Variants in RAD52 observed in about 807,000 individuals in gnomAD.
RAD52 encodes DNA repair protein RAD52 homolog.
RAD52 carries 47 observed loss-of-function variants against 55.5 expected under a neutral mutation model. The ratio of observed to expected loss-of-function variants is 0.85; its 90% CI spans 0.67 to 1.08. RAD52 has a LOEUF of 1.08. Among genes scored for constraint, RAD52 ranks in the 50% least tolerant of loss-of-function variants. The pLI, the probability that RAD52 is intolerant of heterozygous loss-of-function variation, is 0.00. For missense variants in RAD52, 468 were observed against 522.8 expected, an observed-to-expected ratio of 0.90 and a Z score of 1.02; for synonymous variants, 184 against 198.9, an observed-to-expected ratio of 0.92 and a Z score of 0.63.
At chr12:950,966 G>C (rs1219508551), upstream of RAD52, among the ~76,000 whole-genome samples, 1 of 151,880 alleles carries the variant, frequency 6.6e-6, no homozygotes, top group Non-Finnish European at 1.5e-5. Flanking sequence ...TGGTCAGGCT[G>C]GTCTCGAACT....
At chr12:946,517 G>A (rs935659512) in intron 1 of RAD52, among the ~76,000 whole-genome samples, 1 of 152,142 alleles carries the variant, frequency 6.6e-6, no homozygotes, top group Non-Finnish European at 1.5e-5. Flanking sequence ...GCAGTAACAT[G>A]AACTCACAGC....
intron 1 of RAD52, among the ~76,000 whole-genome samples, chr12:944,436 G>A (rs752067761): frequency 7.3e-5 from 11 of 151,702 alleles, no homozygotes; most frequent in Non-Finnish European, 1.6e-4. Flanking sequence ...TCACTTGAGC[G>A]GGGGCGAGGA....
At position 913,938 on chromosome 12, in the gene RAD52, C is replaced by G. The variant is rs1363451510; in HGVS notation, c.1151G>C (p.Gly384Ala). 1.9e-6 allele frequency: 3 copies of G among 1,614,190 alleles called. No homozygotes were observed. Among genetic ancestry groups the G allele is most frequent in the Admixed American group, 1.7e-5 (1 of 60,014 alleles). The change falls in exon 11 of 12, where the codon GGA becomes GCA. Residue 384 changes from glycine to alanine, a missense_variant. By Grantham distance (60) the Gly-to-Ala change is moderately conservative. Coordinates refer to ENST00000358495, the MANE Select transcript of RAD52 (RefSeq NM_134424.4). ...GCTATAAGTTTGGAGGTCCCAAGAT[C>G]CAGATTTTGCTTGTGGTTTCTGGTG... Reference protein sequence around the residue: ...VCHQKPQAKSGSWDLQTYSAD... With the variant: ...VCHQKPQAKSASWDLQTYSAD...
intron 1 of RAD52, among the ~76,000 whole-genome samples, chr12:983,838 T>C (rs1959051981): frequency 6.6e-6 from 1 of 152,234 alleles, no homozygotes; most frequent in African/African-American, 2.4e-5. Context: ...ATGACTTATT[T>C]AACCTTCATT....
chr12:952,370 G>A (rs1035632462), upstream of RAD52, among the ~76,000 whole-genome samples: 3 of 152,246 alleles, frequency 2.0e-5, no homozygotes, highest in African/African-American at 4.8e-5. Context: ...GAGTAGCTGG[G>A]ACTACAGGTG....
chr12:978,338 C>T (rs1958962044), intron 1 of RAD52, among the ~76,000 whole-genome samples: 1 of 152,128 alleles, frequency 6.6e-6, no homozygotes, highest in Admixed American at 6.5e-5. Flanking sequence ...CAGGCGTGAG[C>T]CACCACGCCC....
At chr12:955,417 C>A (rs544824681) in intron 1 of RAD52, among the ~76,000 whole-genome samples, 1 of 152,082 alleles carries the variant, frequency 6.6e-6, no homozygotes, top group East Asian at 1.9e-4. Flanking sequence ...TGACCCCAAC[C>A]CATTATCTTG....
In RAD52 at chr12:932,972, T is replaced by C. The variant is rs759275814; in HGVS notation, c.84+3A>G. On this transcript the variant is annotated splice_donor_region_variant and intron_variant, in intron 2 of 11. Coordinates refer to ENST00000358495, the MANE Select transcript of RAD52 (RefSeq NM_134424.4). ...TTTCCCGGCATGAAGGAACCACAGT[T>C]ACCTGTCCAAAGCATAACACTGAGC... 1 of 1,613,826 alleles carries C rather than the reference T, an allele frequency of 6.2e-7. No individual in the cohort carries two copies. Among genetic ancestry groups the C allele is most frequent in the Non-Finnish European group, 8.5e-7 (1 of 1,179,910 alleles).
Position 914,089 on chromosome 12 carries a change from C to A in RAD52, c.1000G>T (p.Val334Leu). 1 of 1,614,172 alleles carries A rather than the reference C, an allele frequency of 6.2e-7. No individual in the cohort carries two copies. Among genetic ancestry groups the A allele is most frequent in the Non-Finnish European group, 8.5e-7 (1 of 1,180,030 alleles). The change falls in exon 11 of 12, where the codon GTG (valine) becomes TTG (leucine). Residue 334 changes from valine to leucine, a missense_variant. Physicochemically the swap from Val to Leu is conservative, Grantham distance 32. Transcript: ENST00000358495. ...ACACCATCCCCTGCATCGGGAGTCA[C>A]AGCCCACTTTTCAGAGTTGTCTTCA... ...TLEDNSEKWAVTPDAGDGVVK... is the reference protein window; with the variant it reads ...TLEDNSEKWALTPDAGDGVVK...
At chr12:960,475 A>G (rs1958668230) in intron 1 of RAD52, among the ~76,000 whole-genome samples, 1 of 152,046 alleles carries the variant, frequency 6.6e-6, no homozygotes, top group South Asian at 2.1e-4. Context: ...GAGAGGTCTG[A>G]TTTTCTTGGA....
At chr12:971,144 A>G (rs1390267374) in intron 1 of RAD52, among the ~76,000 whole-genome samples, 1 of 152,182 alleles carries the variant, frequency 6.6e-6, no homozygotes, top group Non-Finnish European at 1.5e-5. Context: ...AAGAAAAGGA[A>G]CCTATATGTC....
chr12:916,952 T>C (rs1351192447), intron 7 of RAD52, 132 bp from the exon 8 acceptor site: 1 of 1,244,094 alleles, frequency 8.0e-7, no homozygotes, highest in African/African-American at 1.5e-5. Context: ...CTAGGTCCTG[T>C]AACTCCATGA....
intron 1 of RAD52, among the ~76,000 whole-genome samples, chr12:978,345 G>A (rs894924945): frequency 5.4e-4 from 82 of 152,178 alleles, no homozygotes; most frequent in African/African-American, 1.7e-3. Context: ...GAGCCACCAC[G>A]CCCGGCCGTT....
chr12:988,636 C>G (rs1959120545), intron 1 of RAD52, among the ~76,000 whole-genome samples: 1 of 152,194 alleles, frequency 6.6e-6, no homozygotes, highest in African/African-American at 2.4e-5. Context: ...TGTGCTGCAT[C>G]AAGACATGGC....
At chr12:965,911 G>A (rs542867373) in intron 1 of RAD52, among the ~76,000 whole-genome samples, 17 of 151,918 alleles carry the variant, frequency 1.1e-4, no homozygotes, top group Admixed American at 2.0e-4. Context: ...ATCTCGAACT[G>A]CTGACCTCAT....
chr12:980,332 C>T (rs1263849077), intron 1 of RAD52, among the ~76,000 whole-genome samples: 2 of 148,550 alleles, frequency 1.3e-5, no homozygotes, highest in African/African-American at 5.0e-5. Flanking sequence ...TCACTCTTGT[C>T]CCCCAGGCTG....
chr12:944,695 A>G (rs1353255209), intron 1 of RAD52, among the ~76,000 whole-genome samples: 1 of 151,180 alleles, frequency 6.6e-6, no homozygotes, highest in Non-Finnish European at 1.5e-5. Context: ...TGAATTCAAG[A>G]TATTAAAAAG....
upstream of RAD52, among the ~76,000 whole-genome samples, chr12:951,295 T>A (rs1958521829): frequency 6.6e-6 from 1 of 152,124 alleles, no homozygotes; most frequent in South Asian, 2.1e-4. Context: ...AATTTTTTTG[T>A]AGAGACAAGG....
intron 1 of RAD52, among the ~76,000 whole-genome samples, chr12:944,881 G>A (rs1208035777): frequency 6.6e-6 from 1 of 151,560 alleles, no homozygotes; most frequent in Non-Finnish European, 1.5e-5. Flanking sequence ...GAAGAAGCAT[G>A]TCAGGTGGAC....
Sources: allele counts gnomAD v4.1 joint callset (sites outside exome capture counted in the v4.1 genomes callset), GRCh38; gene constraint gnomAD v4.1.1; transcripts MANE v1.5; gene names NCBI Gene and HGNC (gene_info 2026-07-23, HGNC 2026-07-21).